Variants in SEMA5A observed in about 807,000 individuals in gnomAD.
SEMA5A encodes semaphorin-5A.
Under a neutral mutation model 135.5 loss-of-function variants are expected in SEMA5A, and 55 were observed. The ratio of observed to expected loss-of-function variants is 0.41; its 90% CI spans 0.33 to 0.51. The LOEUF (loss-of-function observed/expected upper bound fraction) is 0.51. SEMA5A is among the 20% of genes least tolerant of loss of function. The pLI is 0.37. For synonymous variants in SEMA5A, 580 were observed against 546.5 expected, an observed-to-expected ratio of 1.06 and a Z score of -0.85; for missense variants, 1,290 against 1,419.9, an observed-to-expected ratio of 0.91 and a Z score of 1.47.
chr5:9,057,472 C>G (rs1736955537), intron 18 of SEMA5A, among the ~76,000 whole-genome samples: 1 of 152,186 alleles, frequency 6.6e-6, no homozygotes, highest in Admixed American at 6.5e-5. Context: ...TGTATGTGAT[C>G]TAGTCTAATA....
At chr5:9,115,822 G>A (rs1740480156) in intron 15 of SEMA5A, among the ~76,000 whole-genome samples, 1 of 152,188 alleles carries the variant, frequency 6.6e-6, no homozygotes, top group Admixed American at 6.5e-5. Context: ...CCTCCTCTAG[G>A]TTGTGGAGGC....
rs1223991394 is a variant in SEMA5A, at chr5:9,417,993, T to C, written c.-78+19763A>G. Reference sequence around the variant, plus strand: ...AGTGTCTCTTCTTTTTTTTTTTTTTTCGAGATGGAGTCTCGCTCTGTCGCC... The same window carrying C: ...AGTGTCTCTTCTTTTTTTTTTTTTTCCGAGATGGAGTCTCGCTCTGTCGCC... On this transcript the variant is annotated intron_variant, in intron 2 of 22. Coordinates refer to ENST00000382496, the MANE Select transcript of SEMA5A (RefSeq NM_003966.3). 4.6e-4 allele frequency among the ~76,000 whole-genome samples: 61 copies of C among 132,876 alleles called. 1 individual carries two copies. The highest frequency in any genetic ancestry group is 1.5e-4 in the Non-Finnish European group (9 of 61,034). 87.2% of individuals were successfully genotyped at this position (132,876 alleles called of 152,430 possible). A position where few individuals can be genotyped will look rare whatever the true frequency, so the allele number is the denominator to read the frequency against.
intron 15 of SEMA5A, among the ~76,000 whole-genome samples, chr5:9,113,001 C>A (rs1740322344): frequency 6.6e-6 from 1 of 152,190 alleles, no homozygotes; most frequent in Non-Finnish European, 1.5e-5. Context: ...TCTGACATCC[C>A]ACAAGGAAAT....
At chr5:9,364,494 A>G (rs955610250) in intron 3 of SEMA5A, among the ~76,000 whole-genome samples, 1 of 152,198 alleles carries the variant, frequency 6.6e-6, no homozygotes, top group African/African-American at 2.4e-5. Context: ...GCTTTTCCCA[A>G]TGAGAGATGG....
chr5:9,441,001 C>T (rs896488187), intron 1 of SEMA5A, among the ~76,000 whole-genome samples: 2 of 152,176 alleles, frequency 1.3e-5, no homozygotes, highest in Non-Finnish European at 2.9e-5. Flanking sequence ...TTCAAGAAAC[C>T]TAAGAACTGC....
In SEMA5A at chr5:9,147,724, CAAAAA is replaced by C. The variant is rs59966819; in HGVS notation, c.1481+6759_1481+6763del. Among the ~76,000 whole-genome samples the C allele has an allele frequency of 1.2e-3, 126 of 102,498 alleles. 1 individual carries two copies. Among genetic ancestry groups the C allele is most frequent in the Non-Finnish European group, 2.1e-3 (107 of 52,194 alleles). The allele number at this position is 102,498 out of a possible 152,430, so 67.2% of individuals were successfully genotyped here. Reference sequence around the variant, plus strand: ...TTCATTAAGCAAAAATAAAACAAACCAAAAAAAAAAAAAAAAAACCCACCTAAGGC... The same window carrying C: ...TTCATTAAGCAAAAATAAAACAAACCAAAAAAAAAAAAACCCACCTAAGGC... On this transcript the variant is annotated intron_variant, in intron 12 of 22. Transcript: ENST00000382496.
intron 3 of SEMA5A, among the ~76,000 whole-genome samples, chr5:9,353,251 GA>G (rs1754266463): frequency 7.5e-6 from 1 of 132,536 alleles, no homozygotes; most frequent in Admixed American, 7.8e-5. Flanking sequence ...AAAGGGAAGG[GA>G]AGGGAAGGGA....
At chr5:9,180,390 A>G (rs1744438085) in intron 11 of SEMA5A, among the ~76,000 whole-genome samples, 1 of 152,208 alleles carries the variant, frequency 6.6e-6, no homozygotes, top group South Asian at 2.1e-4. Context: ...AAATTATGTA[A>G]TGTACCCCCT....
intron 16 of SEMA5A, among the ~76,000 whole-genome samples, chr5:9,079,904 C>T (rs1295256358): frequency 2.6e-5 from 4 of 152,106 alleles, no homozygotes; most frequent in African/African-American, 7.2e-5. Context: ...ACAACAGATG[C>T]TAGAGAGGAT....
At position 9,108,242 on chromosome 5, in the gene SEMA5A, T is replaced by C. The variant is rs149188938; in HGVS notation, c.1971A>G (p.Thr657=). 2 of 1,614,202 alleles carry C rather than the reference T, an allele frequency of 1.2e-6. No individual in the cohort carries two copies. The highest frequency in any genetic ancestry group is 2.2e-5 in the South Asian group (2 of 91,086). Residue 657 remains threonine, a synonymous_variant, in exon 16 of 23, where the codon ACA becomes ACG. Transcript: ENST00000382496. The part of the protein sequence containing the change: ...HLLCPPHMFW[T]GWGPWERCTA... ...TGCACCGTTCCCAAGGACCCCAGCC[T>C]GTCCAGAACATGTGTGGGGGACATA...
chr5:9,365,025 G>A (rs1200703906), intron 3 of SEMA5A, among the ~76,000 whole-genome samples: 1 of 152,140 alleles, frequency 6.6e-6, no homozygotes. Flanking sequence ...AGCACAAGGT[G>A]GAGTATACAT....
rs78456783 is a variant in SEMA5A, at chr5:9,037,228, A to C, written c.*5669T>G. 0.044 allele frequency: 6,724 copies of C among 152,300 alleles called. 292 individuals carry two copies. Among genetic ancestry groups the C allele is most frequent in the African/African-American group, 0.11 (4,661 of 41,552 alleles). 9.4% of individuals were successfully genotyped at this position (152,300 alleles called of 1,614,324 possible). On this transcript the variant is annotated 3_prime_UTR_variant, in exon 23 of 23. Coordinates refer to ENST00000382496, the MANE Select transcript of SEMA5A (RefSeq NM_003966.3). ...TTCCTGCCATTGCGCCAACACTGTA[A>C]AACATGTTTGCTTGAGCAAGAATTG...
intron 5 of SEMA5A, among the ~76,000 whole-genome samples, chr5:9,290,240 A>G (rs1751013061): frequency 1.3e-5 from 2 of 152,070 alleles, no homozygotes; most frequent in East Asian, 1.9e-4. Flanking sequence ...AGTCCATTGT[A>G]TCGTTCTTAT....
In SEMA5A at chr5:9,148,057, T is replaced by C. The variant is rs558260290; in HGVS notation, c.1481+6431A>G. On this transcript the variant is annotated intron_variant, in intron 12 of 22. Coordinates refer to ENST00000382496, the MANE Select transcript of SEMA5A (RefSeq NM_003966.3). ...TGGCATGCAGGAATTTACAGTCTAC[T>C]TTCTGTTCTATGATAAAAGATTAAG... Among the ~76,000 whole-genome samples, 10 of 152,178 alleles carry C rather than the reference T, an allele frequency of 6.6e-5. No homozygotes were observed. The South Asian group carries it at 1.9e-3, about 28-fold the overall frequency.
At chr5:9,506,363 G>A (rs929788516) in intron 1 of SEMA5A, among the ~76,000 whole-genome samples, 1 of 152,122 alleles carries the variant, frequency 6.6e-6, no homozygotes, top group Non-Finnish European at 1.5e-5. Flanking sequence ...AATGTTCAGG[G>A]TGACTCCCAA....
chr5:9,378,298 T>G (rs1011018589), intron 3 of SEMA5A, among the ~76,000 whole-genome samples: 1 of 152,134 alleles, frequency 6.6e-6, no homozygotes, highest in Non-Finnish European at 1.5e-5. Context: ...AAAGAGTTGA[T>G]GAAGGAAAGA....
chr5:9,190,349 C>G lies in SEMA5A; in HGVS notation c.1191G>C (p.Glu397Asp). 1 of 1,614,102 alleles carries G rather than the reference C, an allele frequency of 6.2e-7. No individual in the cohort carries two copies. The highest frequency in any genetic ancestry group is 8.5e-7 in the Non-Finnish European group (1 of 1,180,020). Residue 397 changes from glutamate to aspartate, a missense_variant, in exon 11 of 23, where the codon GAG becomes GAC. Physicochemically the swap from Glu to Asp is conservative, Grantham distance 45. This residue lies in a region of SEMA5A where 1,029 missense variants were observed against 1,086.6 expected (regional missense o/e 0.95). Transcript: ENST00000382496. ...CCACGTGGGAAAAGCGGCTATTGTC[C>G]TCCATGAAGGAGGGCACTGTGGTCA... is the stretch of plus-strand genomic sequence containing the variant. Reference protein sequence around the residue: ...QPVTTVPSFMEDNSRFSHVAV... With the variant: ...QPVTTVPSFMDDNSRFSHVAV...
chr5:9,337,714 T>G lies in SEMA5A; in HGVS notation c.223A>C (p.Arg75=). ...GTGGCAAAATACAATATCTCTCACC[T>G]TGCTCCTACAACAAGTTCTTTCTGT... ...PGQKELVVGA[R]NYLFRLQLED... The change falls in exon 4 of 23, where the codon AGA becomes CGA. Residue 75 remains arginine, a splice_region_variant and synonymous_variant. Coordinates refer to ENST00000382496, the MANE Select transcript of SEMA5A (RefSeq NM_003966.3). The G allele has an allele frequency of 1.2e-6, 2 of 1,604,934 alleles. No homozygotes were observed. Among genetic ancestry groups the G allele is most frequent in the Non-Finnish European group, 1.7e-6 (2 of 1,173,090 alleles).
intron 13 of SEMA5A, among the ~76,000 whole-genome samples, chr5:9,123,633 C>T (rs1159377904): frequency 1.3e-5 from 2 of 152,058 alleles, no homozygotes; most frequent in Non-Finnish European, 2.9e-5. Context: ...AACCCCATTG[C>T]ATGTTTATGT....
Sources: gnomAD v4.1 joint callset for allele counts (sites outside exome capture counted in the v4.1 genomes callset) on GRCh38, gnomAD v4.1.1 for gene constraint, gnomAD v4.1.1 regional missense constraint, MANE v1.5 for transcripts, NCBI Gene and HGNC (gene_info 2026-07-23, HGNC 2026-07-21) for gene names.